The following NOS3 variants were observed in gnomAD, a reference collection of about 807,000 sequenced individuals.
NOS3 encodes the protein NOS type III.
Under a neutral mutation model 144.9 loss-of-function variants are expected in NOS3, and 98 were observed. The ratio of observed to expected loss-of-function variants is 0.68; its 90% CI spans 0.57 to 0.80. The LOEUF (loss-of-function observed/expected upper bound fraction) is 0.80, where lower values mean the gene tolerates loss of function less well. Among genes scored for constraint, NOS3 ranks in the 30% least tolerant of loss-of-function variants. NOS3 has a pLI of 0.00. For missense variants in NOS3, 1,465 were observed against 1,656.4 expected (o/e 0.88, Z 2.01); for synonymous variants, 714 against 702.4 (o/e 1.02, Z -0.26).
Position 150,998,236 on chromosome 7 carries a change from G to C in NOS3, c.583-121G>C, listed in dbSNP as rs1802477244. 3.7e-6 allele frequency: 3 copies of C among 810,750 alleles called. No homozygotes were observed. The highest frequency in any genetic ancestry group is 4.6e-5 in the Admixed American group (2 of 43,470). 50.2% of individuals were successfully genotyped at this position (810,750 alleles called of 1,614,324 possible). On this transcript the variant is annotated intron_variant, in intron 5 of 26. Coordinates refer to ENST00000297494, the MANE Select transcript of NOS3 (RefSeq NM_000603.5). The surrounding 1 kb of genome is among the most constrained non-coding windows in gnomAD (Gnocchi z 5.0). ...GGATCAGTGTGGCTGCCAATGGTCA[G>C]GAGGGCGCCATGGAGTGAACCATGG... is the stretch of plus-strand genomic sequence containing the variant.
intron 17 of NOS3, among the ~76,000 whole-genome samples, chr7:151,008,632 C>G (rs1332621655): frequency 6.6e-6 from 1 of 152,216 alleles, no homozygotes; most frequent in East Asian, 1.9e-4. Flanking sequence ...AACACACAGA[C>G]GCCTTCACAG....
intron 23 of NOS3, chr7:151,011,811 A>G (rs1184199980): frequency 2.3e-6 from 1 of 442,270 alleles, no homozygotes; most frequent in African/African-American, 2.0e-5. Context: ...GGTGTGAGCC[A>G]CCGCGCCCGG....
Position 151,002,143 on chromosome 7 carries a change from G to A in NOS3, c.1648-57G>A, listed in dbSNP as rs1048712338. 3.5e-6 allele frequency: 5 copies of A among 1,417,696 alleles called. No homozygotes were observed. Among genetic ancestry groups the A allele is most frequent in the Admixed American group, 3.9e-5 (2 of 51,818 alleles). 87.8% of individuals were successfully genotyped at this position (1,417,696 alleles called of 1,614,324 possible). A position where few individuals can be genotyped will look rare whatever the true frequency, so the allele number is the denominator to read the frequency against. On this transcript the variant is annotated intron_variant, in intron 13 of 26. Transcript: ENST00000297494. The surrounding 1 kb of genome is among the most constrained non-coding windows in gnomAD (Gnocchi z 4.1). ...TGCACTGCCAGGGAGGCCAGAGTGA[G>A]GAGGGCAGGGCCTCCGGGGGCCACA...
Position 151,013,826 on chromosome 7 carries a change from GCAACCAACGTCCTGCAGAC to G in NOS3, c.3360_3378del (p.Thr1121CysfsTer43). On this transcript the variant is annotated frameshift_variant, in exon 26 of 27. Coordinates refer to ENST00000297494, the MANE Select transcript of NOS3 (RefSeq NM_000603.5). LOFTEE classifies it high-confidence loss of function. ...GTTTGTCTGCGGCGATGTTACCATG[GCAACCAACGTCCTGCAGAC>G]CGTGCAGCGCATCCTGGCGACGGAG... The G allele has an allele frequency of 1.2e-6, 2 of 1,608,866 alleles. No homozygotes were observed. The highest frequency in any genetic ancestry group is 1.7e-6 in the Non-Finnish European group (2 of 1,178,214).
Position 150,993,280 on chromosome 7 carries a change from G to C in NOS3, c.-51-473G>C, listed in dbSNP as rs570608016. ...GGGATCCAGGAGTTCTTGTATGTAT[G>C]GGGGGAGGTGAAGGAGAGAACCTGC... On this transcript the variant is annotated intron_variant, in intron 1 of 26. Transcript: ENST00000297494. This position sits in a 1 kb window ranked among gnomAD's most constrained non-coding sequence, Gnocchi z 4.0. 3.9e-4 allele frequency among the ~76,000 whole-genome samples: 59 copies of C among 152,298 alleles called. No individual in the cohort carries two copies. Among genetic ancestry groups the C allele is most frequent in the Middle Eastern group, 3.4e-3 (1 of 294 alleles).
chr7:151,010,342 G>T, intron 21 of NOS3, 55 bp downstream of exon 21: 1 of 1,502,224 alleles, frequency 6.7e-7, no homozygotes, highest in South Asian at 1.2e-5. Context: ...TGAGCTGGGG[G>T]GACCCCAGTG....
At position 151,013,015 on chromosome 7, in the gene NOS3, A is replaced by G; in HGVS notation, c.3107-216A>G. On this transcript the variant is annotated intron_variant, in intron 24 of 26. Transcript: ENST00000297494. ...TTCTAGCGCAGCTCCACCAGGGGCC[A>G]CCACCTCACCCGCGCTTCCCTTCCC... 1.4e-5 allele frequency: 8 copies of G among 560,210 alleles called. 1 individual carries two copies. In the South Asian group the frequency reaches 1.9e-4, roughly 13 times the overall value. The allele number at this position is 560,210 out of a possible 1,614,324, so 34.7% of individuals were successfully genotyped here.
In NOS3 at chr7:150,998,694, G is replaced by A. The variant is rs1032951919; in HGVS notation, c.816+14G>A. On this transcript the variant is annotated intron_variant, in intron 7 of 26. Transcript: ENST00000297494. This position sits in a 1 kb window ranked among gnomAD's most constrained non-coding sequence, Gnocchi z 5.0. Reference sequence around the variant, plus strand: ...GAGATCACCGAGGTGGGCACCGAGGGCCACCCATGAGGGTGTCCCCAAGGT... The same window carrying A: ...GAGATCACCGAGGTGGGCACCGAGGACCACCCATGAGGGTGTCCCCAAGGT... The A allele has an allele frequency of 1.3e-6, 2 of 1,599,086 alleles. No homozygotes were observed. Among genetic ancestry groups the A allele is most frequent in the East Asian group, 2.3e-5 (1 of 44,434 alleles).
chr7:151,003,624 C>T lies in NOS3; in HGVS notation c.1752+1320C>T. 2.0e-6 allele frequency: 2 copies of T among 1,008,762 alleles called. No homozygotes were observed. Among genetic ancestry groups the T allele is most frequent in the Non-Finnish European group, 2.8e-6 (2 of 718,872 alleles). 62.5% of individuals were successfully genotyped at this position (1,008,762 alleles called of 1,614,324 possible). On this transcript the variant is annotated intron_variant, in intron 14 of 26. Coordinates refer to ENST00000297494, the MANE Select transcript of NOS3 (RefSeq NM_000603.5). This position sits in a 1 kb window ranked among gnomAD's most constrained non-coding sequence, Gnocchi z 4.1. The stretch of plus-strand genomic sequence containing the variant: ...ACATTTTCACCACCCTGGAAAGTTC[C>T]CTCATCAGTTCCTCACGTGAATCCC...
Position 150,996,781 on chromosome 7 carries a change from C to G in NOS3, c.438C>G (p.His146Gln), listed in dbSNP as rs553156572. 3.1e-6 allele frequency: 5 copies of G among 1,611,608 alleles called. No individual in the cohort carries two copies. Among genetic ancestry groups the G allele is most frequent in the African/African-American group, 2.7e-5 (2 of 74,906 alleles). The change falls in exon 5 of 27, where the codon CAC becomes CAG. Residue 146 changes from histidine to glutamine, a missense_variant. By Grantham distance (24) the His-to-Gln change is conservative. This residue lies in a region of NOS3 where 374 missense variants were observed against 377.0 expected (regional missense o/e 0.99). Coordinates refer to ENST00000297494, the MANE Select transcript of NOS3 (RefSeq NM_000603.5). ...SSIKRSGSQA[H>Q]EQRLQEVEAE... ...TCCCCAGGAGCGGCTCCCAGGCCCA[C>G]GAACAGCGGCTTCAAGAGGTGGAAG...
chr7:150,999,094 C>T lies in NOS3; in HGVS notation c.956+9C>T, dbSNP rs779472767. On this transcript the variant is annotated intron_variant, in intron 8 of 26. Transcript: ENST00000297494. ...CCCCTGGAGCACCCCACGTGAGCAC[C>T]AAAGGGATTGACTGGGTGGGATGGA... 2 of 1,612,574 alleles carry T rather than the reference C, an allele frequency of 1.2e-6. No homozygotes were observed. Among genetic ancestry groups the T allele is most frequent in the Non-Finnish European group, 1.7e-6 (2 of 1,179,904 alleles).
chr7:151,005,398 C>A (rs1216438168), intron 14 of NOS3, among the ~76,000 whole-genome samples: 1 of 152,200 alleles, frequency 6.6e-6, no homozygotes, highest in African/African-American at 2.4e-5. Context: ...GATGCCACTT[C>A]TTCATGGCAG....
rs368256841 is a variant in NOS3, at chr7:151,014,206, G to A, written c.*37G>A. The A allele has an allele frequency of 1.3e-6, 2 of 1,568,192 alleles. No individual in the cohort carries two copies. Among genetic ancestry groups the A allele is most frequent in the Non-Finnish European group, 1.7e-6 (2 of 1,156,416 alleles). On this transcript the variant is annotated 3_prime_UTR_variant, in exon 27 of 27. Transcript: ENST00000297494. The stretch of plus-strand genomic sequence containing the variant: ...CTTTCCCTTCCAGTTCCGGGAGAGC[G>A]GCTGCCCGACTCAGGTCCGCCCGAC...
Position 150,998,621 on chromosome 7 carries a change from G to A in NOS3, c.757G>A (p.Gly253Ser). 1.2e-6 allele frequency: 2 copies of A among 1,609,376 alleles called. No individual in the cohort carries two copies. Among genetic ancestry groups the A allele is most frequent in the Non-Finnish European group, 8.5e-7 (1 of 1,178,974 alleles). The change falls in exon 7 of 27, where the codon GGC (glycine) becomes AGC (serine). Residue 253 changes from glycine (G) to serine (S), a missense_variant. By Grantham distance (56) the Gly-to-Ser change is moderately conservative. Coordinates refer to ENST00000297494, the MANE Select transcript of NOS3 (RefSeq NM_000603.5). This position sits in a 1 kb window ranked among gnomAD's most constrained non-coding sequence, Gnocchi z 5.0. ...GAACAGCCAGCTGGTGCGCTACGCG[G>A]GCTACCGGCAGCAGGATGGCTCTGT... is the stretch of plus-strand genomic sequence containing the variant. ...IWNSQLVRYA[G>S]YRQQDGSVRG... is the part of the protein sequence containing the mutation.
chr7:151,013,633 A>T (rs1584915241), intron 25 of NOS3, 91 bp from the exon 26 acceptor site: 1 of 1,213,864 alleles, frequency 8.2e-7, no homozygotes, highest in East Asian at 3.0e-5. Flanking sequence ...CCCGCTCCGG[A>T]GACTTTCACG....
At position 151,009,286 on chromosome 7, in the gene NOS3, C is replaced by T. The variant is rs374067842; in HGVS notation, c.2324+19C>T. ...AGTCCACGTGAGGACGACGGCTTTA[C>T]CGCCCCCCCACCCCTGTCCTGAACA... is the stretch of plus-strand genomic sequence containing the variant. On this transcript the variant is annotated intron_variant, in intron 19 of 26. Transcript: ENST00000297494. 8.1e-6 allele frequency: 13 copies of T among 1,599,538 alleles called. No homozygotes were observed. The East Asian group carries it at 1.8e-4, about 22-fold the overall frequency.
chr7:150,995,449 G>A, intron 3 of NOS3, 135 bp downstream of exon 3: 2 of 615,428 alleles, frequency 3.2e-6, no homozygotes, highest in Non-Finnish European at 5.8e-6. Flanking sequence ...AGAGGACTGG[G>A]AAGAACCAGA....
In NOS3 at chr7:151,013,735, G is replaced by A. The variant is rs1180711834; in HGVS notation, c.3267G>A (p.Gln1089=). The change falls in exon 26 of 27, where the codon CAG becomes CAA. Residue 1089 remains glutamine, a synonymous_variant. Transcript: ENST00000297494. The part of the protein sequence containing the change: ...REPDNPKTYV[Q]DILRTELAAE... ...CCGCCGCCCCGCAGACCTACGTGCA[G>A]GACATCCTGAGGACGGAGCTGGCTG... is the stretch of plus-strand genomic sequence containing the variant. 3.1e-6 allele frequency: 5 copies of A among 1,607,600 alleles called. No individual in the cohort carries two copies. The highest frequency in any genetic ancestry group is 4.2e-6 in the Non-Finnish European group (5 of 1,177,964).
Position 150,996,892 on chromosome 7 carries a change from C to A in NOS3, c.549C>A (p.Arg183=), listed in dbSNP as rs1384300777. The A allele has an allele frequency of 1.3e-6, 2 of 1,580,364 alleles. No individual in the cohort carries two copies. Among genetic ancestry groups the A allele is most frequent in the South Asian group, 2.3e-5 (2 of 86,582 alleles). Residue 183 remains arginine, a synonymous_variant, in exon 5 of 27, where the codon CGC becomes CGA. Coordinates refer to ENST00000297494, the MANE Select transcript of NOS3 (RefSeq NM_000603.5). ...GAKQAWRNAP[R]CVGRIQWGKL... is the part of the protein sequence containing the mutation. ...AGCAGGCCTGGCGCAACGCTCCCCGCTGCGTGGGCCGGATCCAGTGGGGGA... is the reference window on the plus strand; with the variant it reads ...AGCAGGCCTGGCGCAACGCTCCCCGATGCGTGGGCCGGATCCAGTGGGGGA...
Sources: gnomAD v4.1 joint callset for allele counts (sites outside exome capture counted in the v4.1 genomes callset) on GRCh38, gnomAD v4.1.1 for gene constraint, gnomAD v4.1.1 regional missense constraint, Gnocchi (gnomAD v3.1) non-coding constraint, MANE v1.5 for transcripts, NCBI Gene and HGNC (gene_info 2026-07-23, HGNC 2026-07-21) for gene names.